SP140: variants seen among roughly 807,000 people sequenced by gnomAD.
SP140 encodes nuclear body protein SP140.
Under a neutral mutation model 125.0 loss-of-function variants are expected in SP140, and 81 were observed. That is an observed-to-expected ratio of 0.65 (90% CI 0.54 to 0.78). The LOEUF (loss-of-function observed/expected upper bound fraction) is 0.78, where lower values mean the gene tolerates loss of function less well. Ranked by LOEUF, SP140 falls within the 30% of genes least tolerant of loss-of-function variation. SP140 has a pLI of 0.00. For synonymous variants in SP140, 312 were observed against 354.0 expected, an observed-to-expected ratio of 0.88 and a Z score of 1.33; for missense variants, 858 against 1,037.0, an observed-to-expected ratio of 0.83 and a Z score of 2.37.
the SP140 span, among the ~76,000 whole-genome samples, chr2:230,191,656 C>T: frequency 6.6e-6 from 1 of 152,086 alleles, no homozygotes; most frequent in African/African-American, 2.4e-5. Context: ...CTACCAACAA[C>T]ACAAAACCCA....
At chr2:230,299,044 G>A (rs1213453218) in intron 22 of SP140, among the ~76,000 whole-genome samples, 3 of 152,184 alleles carry the variant, frequency 2.0e-5, no homozygotes, top group Non-Finnish European at 4.4e-5. Flanking sequence ...ATCTCTTCTT[G>A]AAAAGATGGG....
intron 16 of SP140, among the ~76,000 whole-genome samples, chr2:230,285,197 G>A (rs1190456235): frequency 6.6e-6 from 1 of 152,030 alleles, no homozygotes; most frequent in African/African-American, 2.4e-5. Context: ...TTTATAATCA[G>A]GCCCCTGAAA....
At chr2:230,282,571 A>G (rs966814020) in intron 15 of SP140, among the ~76,000 whole-genome samples, 4 of 152,114 alleles carry the variant, frequency 2.6e-5, no homozygotes, top group Admixed American at 2.0e-4. Context: ...CCAATACAGG[A>G]GGATCACTTG....
At chr2:230,246,039 A>G (rs2049397740) in intron 7 of SP140, 99 bp downstream of exon 7, 2 of 689,920 alleles carry the variant, frequency 2.9e-6, no homozygotes, top group African/African-American at 1.8e-5. Flanking sequence ...TCATGTATTC[A>G]TCCATATATC....
Position 230,247,977 on chromosome 2 carries a change from A to G in SP140, c.804A>G (p.Lys268=), listed in dbSNP as rs1399566885. ...CATACAGCACAGCACCAGGGGAGAA[A>G]CAGGGAGAGGAGGAAGGCAGGAACA... The part of the protein sequence containing the change: ...ARTYSTAPGE[K]QGEEEGRNSP... The change falls in exon 8 of 27, where the codon AAA becomes AAG. Residue 268 remains lysine, a synonymous_variant. Coordinates refer to ENST00000392045, the MANE Select transcript of SP140 (RefSeq NM_007237.5). The G allele has an allele frequency of 6.2e-7, 1 of 1,613,966 alleles. No homozygotes were observed. Among genetic ancestry groups the G allele is most frequent in the South Asian group, 1.1e-5 (1 of 91,068 alleles).
chr2:230,294,652 A>C (rs2057499528), intron 21 of SP140, among the ~76,000 whole-genome samples: 1 of 152,230 alleles, frequency 6.6e-6, no homozygotes, highest in African/African-American at 2.4e-5. Context: ...GATACATAAA[A>C]ATATTTCATA....
chr2:230,238,398 A>G lies in SP140; in HGVS notation c.406+17A>G. ...TCCAGAATGGTAACTATAGCTCTCA[A>G]CAGCTTTGGGGGATTCAAGCCCATT... On this transcript the variant is annotated intron_variant, in intron 3 of 26. Coordinates refer to ENST00000392045, the MANE Select transcript of SP140 (RefSeq NM_007237.5). 1 of 1,600,886 alleles carries G rather than the reference A, an allele frequency of 6.2e-7. No individual in the cohort carries two copies. Among genetic ancestry groups the G allele is most frequent in the Non-Finnish European group, 8.5e-7 (1 of 1,175,830 alleles).
chr2:230,267,292 A>T lies in SP140; in HGVS notation c.1241-2240A>T, dbSNP rs116834941. Among the ~76,000 whole-genome samples the T allele has an allele frequency of 7.6e-3, 1,157 of 152,326 alleles. 7 individuals carry two copies. Among genetic ancestry groups the T allele is most frequent in the Non-Finnish European group, 0.013 (897 of 68,022 alleles). The stretch of plus-strand genomic sequence containing the variant: ...CCGTAGTGTAGGTATACTAATGGTC[A>T]GGTCAACTATACATAGATCATGTGT... On this transcript the variant is annotated intron_variant, in intron 12 of 26. Coordinates refer to ENST00000392045, the MANE Select transcript of SP140 (RefSeq NM_007237.5).
chr2:230,261,839 G>A (rs112008555), intron 12 of SP140, among the ~76,000 whole-genome samples: 2,820 of 152,280 alleles, frequency 0.019, 35 homozygotes, highest in Non-Finnish European at 0.03. Context: ...TTGATATGTT[G>A]TTGGATTCAG....
chr2:230,310,467 T>A (rs1342047754), intron 23 of SP140: 2 of 692,148 alleles, frequency 2.9e-6, no homozygotes, highest in African/African-American at 3.6e-5. Flanking sequence ...ACAGACAGGG[T>A]TCCCTGTGCT....
In SP140 at chr2:230,216,772, A is replaced by G. The variant is rs2148952051; in HGVS notation, c.-91+2698A>G. On this transcript the variant is annotated intron_variant, in intron 3 of 4. Coordinates refer to the SP140 transcript ENST00000456542. Reference sequence around the variant, plus strand: ...CTGGGCTGCCATGGAAGGGTTCAACATGACTCACCATGTACATTCTCTTAG... The same window carrying G: ...CTGGGCTGCCATGGAAGGGTTCAACGTGACTCACCATGTACATTCTCTTAG... 1 of 1,613,750 alleles carries G rather than the reference A, an allele frequency of 6.2e-7. No individual in the cohort carries two copies. Among genetic ancestry groups the G allele is most frequent in the South Asian group, 1.1e-5 (1 of 91,068 alleles).
chr2:230,251,412 A>G (rs954708966), intron 10 of SP140, among the ~76,000 whole-genome samples: 8 of 152,194 alleles, frequency 5.3e-5, no homozygotes, highest in African/African-American at 1.7e-4. Flanking sequence ...ATCTCCTGAT[A>G]CCCTCACAAA....
chr2:230,291,792 G>T (rs757183686), intron 19 of SP140, among the ~76,000 whole-genome samples: 1 of 152,132 alleles, frequency 6.6e-6, no homozygotes, highest in Non-Finnish European at 1.5e-5. Context: ...TGACTACATC[G>T]TATGGTAATT....
chr2:230,254,756 AAG>A (rs1198636621), intron 11 of SP140, among the ~76,000 whole-genome samples: 1 of 152,198 alleles, frequency 6.6e-6, no homozygotes, highest in African/African-American at 2.4e-5. Flanking sequence ...ACAGGATTAG[AAG>A]AGTTATCCTT....
intron 11 of SP140, among the ~76,000 whole-genome samples, chr2:230,254,341 T>C (rs2050822650): frequency 6.6e-6 from 1 of 152,176 alleles, no homozygotes; most frequent in Non-Finnish European, 1.5e-5. Context: ...TTAAGGTCCT[T>C]CTAGGTAGAG....
intron 12 of SP140, among the ~76,000 whole-genome samples, chr2:230,262,689 A>G (rs1042179777): frequency 6.6e-6 from 1 of 151,974 alleles, no homozygotes; most frequent in Non-Finnish European, 1.5e-5. Flanking sequence ...TAATTTTTTA[A>G]TTTCCATCTT....
intron 17 of SP140, among the ~76,000 whole-genome samples, chr2:230,286,047 T>G (rs546139406): frequency 6.6e-6 from 1 of 152,330 alleles, no homozygotes; most frequent in Admixed American, 6.5e-5. Flanking sequence ...CTAAAATAGT[T>G]TTCCTCTGTG....
At chr2:230,260,847 A>G (rs1449368523) in intron 12 of SP140, among the ~76,000 whole-genome samples, 1 of 152,038 alleles carries the variant, frequency 6.6e-6, no homozygotes, top group Non-Finnish European at 1.5e-5. Context: ...CTATGGCCTT[A>G]TAGTATAGTT....
At chr2:230,207,183 A>T (rs937120843) in intron 1 of SP140, among the ~76,000 whole-genome samples, 1 of 152,160 alleles carries the variant, frequency 6.6e-6, no homozygotes, top group Non-Finnish European at 1.5e-5. Context: ...GATGATGGCT[A>T]TCCCTCTCAT....
Sources: allele counts gnomAD v4.1 joint callset (sites outside exome capture counted in the v4.1 genomes callset), GRCh38; gene constraint gnomAD v4.1.1; transcripts MANE v1.5; gene names NCBI Gene and HGNC (gene_info 2026-07-23, HGNC 2026-07-21).